The following NLRP5 variants were observed in gnomAD, a reference collection of about 807,000 sequenced individuals.
The protein encoded by NLRP5 is NLR family pyrin domain containing 5, also known as NACHT, LRR and PYD domains-containing protein 5.
Under a neutral mutation model 113.1 loss-of-function variants are expected in NLRP5, and 93 were observed. That is an observed-to-expected ratio of 0.82 (90% CI 0.70 to 0.98). NLRP5 has a LOEUF of 0.98. Among genes scored for constraint, NLRP5 ranks in the 50% least tolerant of loss-of-function variants. The pLI is 0.00. For missense variants in NLRP5, 1,808 were observed against 1,514.3 expected (o/e 1.19, Z -3.22); for synonymous variants, 751 against 600.7 (o/e 1.25, Z -3.66).
At position 56,017,290 on chromosome 19, in the gene NLRP5, ATTTC is replaced by A. The variant is rs371928507; in HGVS notation, c.565+1496_565+1499del. ...GGTATTTCCATCTTGTATTTTGTTTATTTCTTTATTCCCTTTCTCTGCCTGTTTT... is the reference window on the plus strand; with the variant it reads ...GGTATTTCCATCTTGTATTTTGTTTATTTATTCCCTTTCTCTGCCTGTTTT... On this transcript the variant is annotated intron_variant, in intron 4 of 14. Coordinates refer to ENST00000390649, the MANE Select transcript of NLRP5 (RefSeq NM_153447.4). Among the ~76,000 whole-genome samples, 488 of 151,484 alleles carry A rather than the reference ATTTC, an allele frequency of 3.2e-3. 2 individuals carry two copies. Among genetic ancestry groups the A allele is most frequent in the African/African-American group, 0.011 (436 of 41,246 alleles).
chr19:55,998,680 A>ATATATATGTGTG (rs1981434675), upstream of NLRP5, among the ~76,000 whole-genome samples: 1 of 73,084 alleles, frequency 1.4e-5, no homozygotes, highest in African/African-American at 6.3e-5. Flanking sequence ...GTGTATATAT[A>ATATATATGTGTG]TATATATATA....
chr19:55,990,906 C>T, the NLRP5 span, among the ~76,000 whole-genome samples: 1 of 152,074 alleles, frequency 6.6e-6, no homozygotes, highest in Non-Finnish European at 1.5e-5. Context: ...ATCACTTGAA[C>T]CCAGGAGACG....
chr19:56,028,289 G>A lies in NLRP5; in HGVS notation c.2056G>A (p.Asp686Asn), dbSNP rs755176200. 31 of 1,613,834 alleles carry A rather than the reference G, an allele frequency of 1.9e-5. No individual in the cohort carries two copies. The highest frequency in any genetic ancestry group is 2.5e-5 in the Non-Finnish European group (29 of 1,179,904). Residue 686 changes from aspartate (D) to asparagine (N), a missense_variant, in exon 7 of 15, where the codon GAC (aspartate) becomes AAC (asparagine). Coordinates refer to ENST00000390649, the MANE Select transcript of NLRP5 (RefSeq NM_153447.4). ...TGCCACCACCCCAGGAGACACCCTGGACGCCTTCCACTGTCTTTTCGAGAC... is the reference window on the plus strand; with the variant it reads ...TGCCACCACCCCAGGAGACACCCTGAACGCCTTCCACTGTCTTTTCGAGAC...
At chr19:56,006,763 G>A (rs927648641) in intron 2 of NLRP5, among the ~76,000 whole-genome samples, 7 of 151,178 alleles carry the variant, frequency 4.6e-5, no homozygotes, top group East Asian at 2.0e-4. Flanking sequence ...TTTTTGAGAC[G>A]GAGTCTGGCT....
intron 3 of NLRP5, among the ~76,000 whole-genome samples, chr19:56,009,684 G>A (rs1250859000): frequency 1.3e-5 from 2 of 152,144 alleles, no homozygotes; most frequent in African/African-American, 4.8e-5. Flanking sequence ...CAGGGAGAAA[G>A]GCAGGCTGCA....
chr19:56,060,759 C>T (rs1984323405), intron 14 of NLRP5, among the ~76,000 whole-genome samples: 1 of 151,990 alleles, frequency 6.6e-6, no homozygotes, highest in Non-Finnish European at 1.5e-5. Context: ...CTATAGGGAA[C>T]ATGCTACTGT....
chr19:55,988,123 T>C, the NLRP5 span: 1 of 460,846 alleles, frequency 2.2e-6, no homozygotes, highest in Non-Finnish European at 4.0e-6. Flanking sequence ...CTGGGCGTGG[T>C]GGCTCACGCC....
chr19:56,026,527 CAAAAA>C lies in NLRP5; in HGVS notation c.680-368_680-364del, dbSNP rs375845864. Among the ~76,000 whole-genome samples the C allele has an allele frequency of 2.4e-3, 97 of 40,350 alleles. 1 individual carries two copies. Among genetic ancestry groups the C allele is most frequent in the African/African-American group, 7.7e-3 (88 of 11,460 alleles). The allele number at this position is 40,350 out of a possible 152,430, so 26.5% of individuals were successfully genotyped here. A position where few individuals can be genotyped will look rare whatever the true frequency, so the allele number is the denominator to read the frequency against. ...TGGGTGACAGAGCAAGACTCCATCT[CAAAAA>C]AAAAAAAAAAAAAAAAATAGACTGG... On this transcript the variant is annotated intron_variant, in intron 6 of 14. Coordinates refer to ENST00000390649, the MANE Select transcript of NLRP5 (RefSeq NM_153447.4).
the NLRP5 span, among the ~76,000 whole-genome samples, chr19:55,994,488 C>G: frequency 6.6e-6 from 1 of 152,188 alleles, no homozygotes; most frequent in Admixed American, 6.5e-5. Context: ...ACCTCCAACT[C>G]CCTAGTTCAA....
upstream of NLRP5, among the ~76,000 whole-genome samples, chr19:55,998,694 A>ATGTGTGTGTGTG (rs1555762415): frequency 2.1e-3 from 124 of 58,026 alleles, 1 homozygote; most frequent in African/African-American, 8.6e-3. Flanking sequence ...ATATATATAT[A>ATGTGTGTGTGTG]TATATATATG....
chr19:56,024,412 GTA>G (rs1049600181), intron 6 of NLRP5, among the ~76,000 whole-genome samples: 10 of 119,266 alleles, frequency 8.4e-5, no homozygotes, highest in African/African-American at 1.3e-4. Flanking sequence ...GTACATATAT[GTA>G]TATATGTTAT....
chr19:56,011,396 T>A (rs78286328), intron 3 of NLRP5, among the ~76,000 whole-genome samples: 5,848 of 152,168 alleles, frequency 0.038, 366 homozygotes, highest in African/African-American at 0.13. Context: ...TGAGGGTGAT[T>A]AAGATGTTCT....
At chr19:56,046,914 C>T (rs1185595233) in intron 11 of NLRP5, among the ~76,000 whole-genome samples, 1 of 152,200 alleles carries the variant, frequency 6.6e-6, no homozygotes, top group Non-Finnish European at 1.5e-5. Flanking sequence ...ATTACCATTT[C>T]AATCTCACTG....
Position 56,027,149 on chromosome 19 carries a change from G to A in NLRP5, c.916G>A (p.Gly306Ser), listed in dbSNP as rs1203192183. 1.2e-6 allele frequency: 2 copies of A among 1,602,308 alleles called. No individual in the cohort carries two copies. Among genetic ancestry groups the A allele is most frequent in the African/African-American group, 1.3e-5 (1 of 74,704 alleles). Residue 306 changes from glycine to serine, a missense_variant, in exon 7 of 15, where the codon GGT (glycine) becomes AGT (serine). Coordinates refer to ENST00000390649, the MANE Select transcript of NLRP5 (RefSeq NM_153447.4). ...AAGGATCGTGCTGTGCTGGGCGCAA[G>A]GTGGACTCTACCAGGGAATGTTCTC... is the stretch of plus-strand genomic sequence containing the variant.
intron 6 of NLRP5, among the ~76,000 whole-genome samples, chr19:56,026,445 G>C (rs1219332808): frequency 1.5e-5 from 2 of 136,894 alleles, no homozygotes; most frequent in African/African-American, 5.4e-5. Context: ...GGAGAATGGG[G>C]TGAACCCAGG....
chr19:56,056,795 C>T (rs1224971407), intron 13 of NLRP5, among the ~76,000 whole-genome samples: 1 of 152,124 alleles, frequency 6.6e-6, no homozygotes, highest in Non-Finnish European at 1.5e-5. Flanking sequence ...ACCATCTCGC[C>T]ATAGGTGGCT....
At chr19:56,025,294 G>A (rs145248892) in intron 6 of NLRP5, among the ~76,000 whole-genome samples, 19 of 152,130 alleles carry the variant, frequency 1.2e-4, no homozygotes, top group African/African-American at 3.6e-4. Flanking sequence ...CCACAAAACC[G>A]GTCCCTGGTG....
At chr19:56,005,247 ATATATATT>A (rs916987193) in intron 2 of NLRP5, among the ~76,000 whole-genome samples, 113 of 120,762 alleles carry the variant, frequency 9.4e-4, no homozygotes, top group African/African-American at 3.0e-3. Flanking sequence ...ATATACACAC[ATATATATT>A]TATATATACA....
At chr19:55,998,702 A>ATATG (rs1981450998), upstream of NLRP5, among the ~76,000 whole-genome samples, 16 of 73,738 alleles carry the variant, frequency 2.2e-4, 1 homozygote, top group East Asian at 2.2e-3. Context: ...ATATATATAT[A>ATATG]TGTGTGTGTG....
Sources: allele counts gnomAD v4.1 joint callset (sites outside exome capture counted in the v4.1 genomes callset), GRCh38; gene constraint gnomAD v4.1.1; transcripts MANE v1.5; gene names NCBI Gene and HGNC (gene_info 2026-07-23, HGNC 2026-07-21).